PRKN: variants seen among roughly 807,000 people sequenced by gnomAD.
PRKN encodes the protein parkin RBR E3 ubiquitin protein ligase.
A neutral mutation model predicts 59.5 loss-of-function variants in PRKN; 56 were observed. The observed-to-expected ratio is 0.94, with a 90% CI of 0.76 to 1.18. The LOEUF is 1.18. Ranked by LOEUF, PRKN falls within the 50% of genes most tolerant of loss-of-function variation. PRKN has a pLI of 0.00. For missense variants in PRKN, 657 were observed against 596.4 expected, an observed-to-expected ratio of 1.10 and a Z score of -1.06; for synonymous variants, 250 against 222.1, an observed-to-expected ratio of 1.13 and a Z score of -1.12.
chr6:162,017,587 C>T (rs1432122946), intron 5 of PRKN, among the ~76,000 whole-genome samples: 1 of 128,884 alleles, frequency 7.8e-6, no homozygotes, highest in Non-Finnish European at 1.7e-5. Context: ...GTTTGAAAAA[C>T]CATGGTTTAA....
intron 2 of PRKN, among the ~76,000 whole-genome samples, chr6:162,430,317 T>C (rs1789456536): frequency 6.6e-6 from 1 of 152,164 alleles, no homozygotes; most frequent in Non-Finnish European, 1.5e-5. Flanking sequence ...ACACAATTTT[T>C]CTCATTTTAG....
At chr6:162,340,011 A>G (rs1443991073) in intron 2 of PRKN, among the ~76,000 whole-genome samples, 1 of 147,652 alleles carries the variant, frequency 6.8e-6, no homozygotes, top group African/African-American at 2.5e-5. Context: ...GGAAGGCCGC[A>G]GGGTCCTCTG....
rs542125090 is a variant in PRKN at position 161,417,322 on chromosome 6, T to C, written c.1084-30445A>G. On this transcript the variant is annotated intron_variant, in intron 9 of 11. Transcript: ENST00000366898. This position sits in a 1 kb window ranked among gnomAD's most constrained non-coding sequence, Gnocchi z 5.4. ...AAAATTAGCCGGGTGTGGTGGCGCCTGCCTGTAGTCGCAGCTACTCGGGAG... is the reference window on the plus strand; with the variant it reads ...AAAATTAGCCGGGTGTGGTGGCGCCCGCCTGTAGTCGCAGCTACTCGGGAG... 6.6e-6 allele frequency among the ~76,000 whole-genome samples: 1 copy of C among 152,058 alleles called. No homozygotes were observed. Among genetic ancestry groups the C allele is most frequent in the South Asian group, 2.1e-4 (1 of 4,814 alleles).
chr6:161,984,344 G>A (rs751167261), intron 5 of PRKN, among the ~76,000 whole-genome samples: 51 of 152,192 alleles, frequency 3.4e-4, no homozygotes, highest in Middle Eastern at 6.8e-3. Context: ...CGCAACCTCC[G>A]TCCCGTGGGT....
At chr6:161,693,830 A>G (rs929058928) in intron 7 of PRKN, among the ~76,000 whole-genome samples, 12 of 152,232 alleles carry the variant, frequency 7.9e-5, no homozygotes, top group South Asian at 6.2e-4. Flanking sequence ...ATGGATAAAT[A>G]TTAGTCTAAT....
intron 9 of PRKN, among the ~76,000 whole-genome samples, chr6:161,543,078 A>G (rs1248578693): frequency 6.6e-6 from 1 of 152,170 alleles, no homozygotes; most frequent in Non-Finnish European, 1.5e-5. Context: ...TTGAAAAAAG[A>G]GCTTCACATC....
At chr6:162,492,793 A>G (rs985925567) in intron 1 of PRKN, among the ~76,000 whole-genome samples, 3 of 152,026 alleles carry the variant, frequency 2.0e-5, no homozygotes, top group Non-Finnish European at 2.9e-5. Context: ...CTACTAAAAA[A>G]TACAAAAAAA....
At chr6:161,408,021 A>C (rs1462561652) in intron 9 of PRKN, among the ~76,000 whole-genome samples, 5 of 152,148 alleles carry the variant, frequency 3.3e-5, no homozygotes, top group Non-Finnish European at 7.4e-5. Flanking sequence ...CCAAGTGAAT[A>C]AACAGCTTTA....
At chr6:162,046,060 G>A (rs138062571) in intron 5 of PRKN, among the ~76,000 whole-genome samples, 13 of 152,170 alleles carry the variant, frequency 8.5e-5, no homozygotes, top group African/African-American at 2.9e-4. Flanking sequence ...CCAGTAGATC[G>A]ATATGTACTC....
At chr6:161,652,592 G>A (rs1446057084) in intron 7 of PRKN, among the ~76,000 whole-genome samples, 3 of 152,124 alleles carry the variant, frequency 2.0e-5, no homozygotes, top group African/African-American at 7.2e-5. Context: ...GACATTTATA[G>A]TAAGTTATTT....
At chr6:161,726,700 G>A (rs1286422066) in intron 7 of PRKN, among the ~76,000 whole-genome samples, 1 of 151,982 alleles carries the variant, frequency 6.6e-6, no homozygotes, top group Admixed American at 6.6e-5. Flanking sequence ...TGATGAGAGA[G>A]GCAAAAACAA....
intron 7 of PRKN, among the ~76,000 whole-genome samples, chr6:161,736,424 A>G (rs1299236766): frequency 6.6e-6 from 1 of 152,222 alleles, no homozygotes. Context: ...CATACTTAGG[A>G]CTGCAGTTGT....
chr6:161,669,034 C>T (rs866685594), intron 7 of PRKN, among the ~76,000 whole-genome samples: 2 of 152,142 alleles, frequency 1.3e-5, no homozygotes, highest in African/African-American at 2.4e-5. Flanking sequence ...GATTAGGCCA[C>T]GAGGGTGGAG....
At chr6:161,358,739 G>A (rs542255964) in intron 11 of PRKN, among the ~76,000 whole-genome samples, 1 of 151,320 alleles carries the variant, frequency 6.6e-6, no homozygotes, top group Admixed American at 6.6e-5. Flanking sequence ...CCCAGTGGTG[G>A]TGGAGACTAG....
At chr6:161,917,304 C>A (rs1456563833) in intron 6 of PRKN, among the ~76,000 whole-genome samples, 1 of 152,044 alleles carries the variant, frequency 6.6e-6, no homozygotes, top group African/African-American at 2.4e-5. Context: ...CAGGGTTTTG[C>A]CATATTGGCC....
At chr6:162,518,883 A>G (rs77645751) in intron 1 of PRKN, among the ~76,000 whole-genome samples, 13,619 of 152,296 alleles carry the variant, frequency 0.089, 663 homozygotes, top group South Asian at 0.17. Flanking sequence ...GTAGTTTCAC[A>G]AAGCACCATT....
intron 5 of PRKN, among the ~76,000 whole-genome samples, chr6:162,018,097 G>A (rs867450746): frequency 7.2e-5 from 11 of 152,164 alleles, no homozygotes; most frequent in Middle Eastern, 3.4e-3. Context: ...CATGATCTCC[G>A]CTCACTGCAA....
At chr6:162,641,119 T>C (rs536180411) in intron 1 of PRKN, among the ~76,000 whole-genome samples, 2 of 152,244 alleles carry the variant, frequency 1.3e-5, no homozygotes, top group Admixed American at 6.5e-5. Flanking sequence ...AAAAAATGAA[T>C]AACATTTTAC....
At chr6:161,474,135 G>C (rs1178601022) in intron 9 of PRKN, among the ~76,000 whole-genome samples, 1 of 152,132 alleles carries the variant, frequency 6.6e-6, no homozygotes, top group Non-Finnish European at 1.5e-5. Context: ...CTCTCCTGTG[G>C]TGGCATGGAT....
Sources: gnomAD v4.1 joint callset for allele counts (sites outside exome capture counted in the v4.1 genomes callset) on GRCh38, gnomAD v4.1.1 for gene constraint, Gnocchi (gnomAD v3.1) non-coding constraint, MANE v1.5 for transcripts, NCBI Gene and HGNC (gene_info 2026-07-23, HGNC 2026-07-21) for gene names.